Variants in MNAT1 observed in about 807,000 individuals in gnomAD.
MNAT1 encodes MNAT1 component of CDK activating kinase, also known as CDK-activating kinase assembly factor MAT1.
In MNAT1, 43 loss-of-function variants were observed where a neutral mutation model predicts 42.0. The observed-to-expected ratio is 1.02, with a 90% confidence interval of 0.80 to 1.32. The LOEUF is 1.32. Among genes scored for constraint, MNAT1 ranks in the 40% most tolerant of loss-of-function variants. MNAT1 has a pLI of 0.00. For missense variants in MNAT1, 306 were observed against 350.4 expected, an observed-to-expected ratio of 0.87 and a Z score of 1.01; for synonymous variants, 118 against 120.0, an observed-to-expected ratio of 0.98 and a Z score of 0.11.
intron 6 of MNAT1, among the ~76,000 whole-genome samples, chr14:60,870,340 A>G (rs1035833679): frequency 6.6e-6 from 1 of 152,132 alleles, no homozygotes; most frequent in African/African-American, 2.4e-5. Context: ...CCCCCCAGGT[A>G]TGGGTATTAC....
At chr14:60,783,250 C>A (rs1006696039) in intron 1 of MNAT1, among the ~76,000 whole-genome samples, 1 of 152,174 alleles carries the variant, frequency 6.6e-6, no homozygotes, top group Admixed American at 6.5e-5. Flanking sequence ...CTGTAACATT[C>A]TATTCAGTTG....
intron 6 of MNAT1, among the ~76,000 whole-genome samples, chr14:60,820,184 G>A (rs1594777519): frequency 6.6e-6 from 1 of 152,046 alleles, no homozygotes; most frequent in Non-Finnish European, 1.5e-5. Flanking sequence ...TAATTTTCAA[G>A]AATAAAGTCT....
chr14:60,756,013 C>T (rs1177401670), intron 1 of MNAT1, among the ~76,000 whole-genome samples: 1 of 152,170 alleles, frequency 6.6e-6, no homozygotes. Context: ...TGTAAGTATG[C>T]ACATGATGTG....
chr14:60,878,361 T>C (rs759005361), intron 6 of MNAT1, among the ~76,000 whole-genome samples: 6 of 151,960 alleles, frequency 3.9e-5, no homozygotes, highest in African/African-American at 7.2e-5. Flanking sequence ...TGAAGAAAAA[T>C]GGGTTCCTTT....
At chr14:60,793,452 T>C (rs190606552) in intron 1 of MNAT1, among the ~76,000 whole-genome samples, 14 of 151,966 alleles carry the variant, frequency 9.2e-5, no homozygotes, top group African/African-American at 3.1e-4. Context: ...AACCTTGAAC[T>C]CCTGGGCTCA....
At chr14:60,925,988 G>A (rs1313818786) in intron 7 of MNAT1, among the ~76,000 whole-genome samples, 2 of 152,134 alleles carry the variant, frequency 1.3e-5, no homozygotes, top group African/African-American at 4.8e-5. Flanking sequence ...ACATAGAATT[G>A]CTCAGTGTAA....
chr14:60,805,356 AT>A (rs1298027709), intron 3 of MNAT1, among the ~76,000 whole-genome samples: 1 of 152,120 alleles, frequency 6.6e-6, no homozygotes, highest in African/African-American at 2.4e-5. Flanking sequence ...CATTATTAAC[AT>A]CCTGCACCAG....
intron 5 of MNAT1, among the ~76,000 whole-genome samples, chr14:60,813,677 T>C (rs2139356133): frequency 6.6e-6 from 1 of 152,348 alleles, no homozygotes. Flanking sequence ...ACTATGTTTT[T>C]CTAGAATTTG....
chr14:60,847,340 G>A (rs1340774849), intron 6 of MNAT1, among the ~76,000 whole-genome samples: 1 of 150,202 alleles, frequency 6.7e-6, no homozygotes, highest in East Asian at 2.0e-4. Context: ...GGAGGCGGAG[G>A]TTGCAGTGAG....
At position 60,914,399 on chromosome 14, in the gene MNAT1, CCTGTCTTCTGCATTGCTCACGCTGGGAG is replaced by C. The variant is rs576818716; in HGVS notation, c.809+34569_809+34596del. ...AGCTCAGTTGGAAATGCAGAAATCA[CCTGTCTTCTGCATTGCTCACGCTGGGAG>C]CTGTAGACTGGAGCTGTTCCTATTC... On this transcript the variant is annotated intron_variant, in intron 7 of 7. Transcript: ENST00000261245. Among the ~76,000 whole-genome samples, 73 of 152,312 alleles carry C rather than the reference CCTGTCTTCTGCATTGCTCACGCTGGGAG, an allele frequency of 4.8e-4. No homozygotes were observed. In the East Asian group the frequency reaches 0.013, roughly 28 times the overall value.
At chr14:60,793,983 C>G (rs2140324425) in intron 1 of MNAT1, among the ~76,000 whole-genome samples, 1 of 151,952 alleles carries the variant, frequency 6.6e-6, no homozygotes, top group East Asian at 1.9e-4. Flanking sequence ...TGGAGATGTA[C>G]AACTGATTTT....
chr14:60,807,270 C>A (rs1370060299), intron 3 of MNAT1, among the ~76,000 whole-genome samples: 2 of 152,146 alleles, frequency 1.3e-5, no homozygotes, highest in African/African-American at 4.8e-5. Flanking sequence ...ACAAGCAACT[C>A]TGTGTTGGTC....
chr14:60,941,790 G>A (rs1028746100), intron 7 of MNAT1, among the ~76,000 whole-genome samples: 7 of 151,128 alleles, frequency 4.6e-5, no homozygotes, highest in Non-Finnish European at 8.8e-5. Context: ...GGATCATGAG[G>A]TCAGGAGATG....
intron 6 of MNAT1, among the ~76,000 whole-genome samples, chr14:60,878,649 A>G (rs948958056): frequency 2.6e-5 from 4 of 152,094 alleles, no homozygotes; most frequent in Non-Finnish European, 5.9e-5. Context: ...TGCCATGAGT[A>G]TTTTGAATTG....
chr14:60,768,355 GT>G (rs2030919672), intron 1 of MNAT1, among the ~76,000 whole-genome samples: 1 of 152,194 alleles, frequency 6.6e-6, no homozygotes, highest in Admixed American at 6.5e-5. Context: ...AGAGTTACAT[GT>G]TTAATAACTT....
At chr14:60,811,544 C>T (rs147958653) in intron 4 of MNAT1, among the ~76,000 whole-genome samples, 477 of 152,058 alleles carry the variant, frequency 3.1e-3, no homozygotes, top group African/African-American at 0.011. Flanking sequence ...CCTTGTGATC[C>T]ACCCGCCGTG....
Position 60,957,911 on chromosome 14 carries a change from C to T in MNAT1, c.810-10318C>T, listed in dbSNP as rs190265042. ...AGAGTGCAGTGGCACGATCTCAGCT[C>T]ACTGCAGCCTCCGCCTCCCAGGTTC... On this transcript the variant is annotated intron_variant, in intron 7 of 7. Coordinates refer to ENST00000261245, the MANE Select transcript of MNAT1 (RefSeq NM_002431.4). Among the ~76,000 whole-genome samples the T allele has an allele frequency of 4.8e-3, 734 of 152,156 alleles. 4 individuals carry two copies. Among genetic ancestry groups the T allele is most frequent in the African/African-American group, 0.016 (684 of 41,518 alleles).
At chr14:60,891,402 A>G (rs980459606) in intron 7 of MNAT1, among the ~76,000 whole-genome samples, 3 of 148,958 alleles carry the variant, frequency 2.0e-5, no homozygotes, top group Admixed American at 1.3e-4. Flanking sequence ...TTCTCTTTCT[A>G]GTTCCTTAAG....
intron 6 of MNAT1, among the ~76,000 whole-genome samples, chr14:60,823,463 T>G (rs2032962101): frequency 6.6e-6 from 1 of 152,238 alleles, no homozygotes; most frequent in African/African-American, 2.4e-5. Context: ...ATCTTTACAT[T>G]GCCTTTATGT....
Sources: allele counts gnomAD v4.1 joint callset (sites outside exome capture counted in the v4.1 genomes callset), GRCh38; gene constraint gnomAD v4.1.1; transcripts MANE v1.5; gene names NCBI Gene and HGNC (gene_info 2026-07-23, HGNC 2026-07-21).